ADSS2: variants seen among roughly 807,000 people sequenced by gnomAD.
The protein encoded by ADSS2 is adenylosuccinate synthase 2.
A neutral mutation model predicts 60.0 loss-of-function variants in ADSS2; 30 were observed. That is an observed-to-expected ratio of 0.50 (90% CI 0.37 to 0.68). The LOEUF is 0.68. Ranked by LOEUF, ADSS2 falls within the 30% of genes least tolerant of loss-of-function variation. ADSS2 has a pLI of 0.00. For synonymous variants in ADSS2, 187 were observed against 193.1 expected (o/e 0.97, Z 0.26); for missense variants, 373 against 554.8 (o/e 0.67, Z 3.29).
At chr1:244,446,421 G>GA (rs1263385104) in intron 1 of ADSS2, among the ~76,000 whole-genome samples, 1 of 151,966 alleles carries the variant, frequency 6.6e-6, no homozygotes, top group African/African-American at 2.4e-5. Context: ...GACAGCAAGA[G>GA]AAAAAAATAC....
intron 11 of ADSS2, among the ~76,000 whole-genome samples, chr1:244,413,391 T>C (rs900044998): frequency 1.3e-5 from 2 of 152,164 alleles, no homozygotes; most frequent in African/African-American, 4.8e-5. Context: ...GCTCTCAAAA[T>C]GACAACTCTT....
chr1:244,439,083 C>G (rs774853641), intron 1 of ADSS2, among the ~76,000 whole-genome samples: 5 of 152,278 alleles, frequency 3.3e-5, no homozygotes, highest in Non-Finnish European at 7.4e-5. Context: ...TCCTTCTACT[C>G]TCTATCTCCA....
intron 4 of ADSS2, among the ~76,000 whole-genome samples, chr1:244,429,837 A>G (rs1572138299): frequency 6.6e-6 from 1 of 152,292 alleles, no homozygotes; most frequent in East Asian, 1.9e-4. Flanking sequence ...AACCAAGATC[A>G]TGCCATTGCA....
Position 244,451,548 on chromosome 1 carries a change from G to T in ADSS2, c.183+87C>A. ...CACCTCATTTTGGCCAGTGGATCCG[G>T]GTTCTGGGTCCGAGTTCCCGGGCAC... On this transcript the variant is annotated intron_variant, in intron 1 of 12. Transcript: ENST00000366535. The surrounding 1 kb of genome is among the most constrained non-coding windows in gnomAD (Gnocchi z 6.6). 1 of 1,418,442 alleles carries T rather than the reference G, an allele frequency of 7.0e-7. No individual in the cohort carries two copies. Among genetic ancestry groups the T allele is most frequent in the Non-Finnish European group, 9.4e-7 (1 of 1,060,616 alleles). 87.9% of individuals were successfully genotyped at this position (1,418,442 alleles called of 1,614,324 possible).
At chr1:244,426,890 T>C (rs1041418921) in intron 4 of ADSS2, among the ~76,000 whole-genome samples, 3 of 152,288 alleles carry the variant, frequency 2.0e-5, no homozygotes, top group Admixed American at 2.0e-4. Context: ...CATATTTCTA[T>C]TGATATGATT....
Position 244,436,975 on chromosome 1 carries a change from G to A in ADSS2, c.287-82C>T, listed in dbSNP as rs546445987. 202 of 1,149,582 alleles carry A rather than the reference G, an allele frequency of 1.8e-4. 1 individual carries two copies. The East Asian group carries it at 4.6e-3, about 26-fold the overall frequency. 71.2% of individuals were successfully genotyped at this position (1,149,582 alleles called of 1,614,324 possible). On this transcript the variant is annotated intron_variant, in intron 2 of 12. Coordinates refer to ENST00000366535, the MANE Select transcript of ADSS2 (RefSeq NM_001126.5). ...CTTAAAGGACATTCTGATTTACCAC[G>A]GTGTTACCACAGAAATGATTCCAAG...
At position 244,435,558 on chromosome 1, in the gene ADSS2, C is replaced by T. The variant is rs555646335; in HGVS notation, c.355+1267G>A. Among the ~76,000 whole-genome samples, 30 of 151,894 alleles carry T rather than the reference C, an allele frequency of 2.0e-4. No individual in the cohort carries two copies. The South Asian group carries it at 5.8e-3, about 30-fold the overall frequency. On this transcript the variant is annotated intron_variant, in intron 3 of 12. Transcript: ENST00000366535. Reference sequence around the variant, plus strand: ...CCTCCTTCATCCTCCTCCTCTACCTCTGTCCTTCTCTTCTTCCTCCTTCAT... The same window carrying T: ...CCTCCTTCATCCTCCTCCTCTACCTTTGTCCTTCTCTTCTTCCTCCTTCAT...
chr1:244,437,353 T>G (rs1489203910), intron 2 of ADSS2, among the ~76,000 whole-genome samples: 2 of 152,136 alleles, frequency 1.3e-5, no homozygotes, highest in Non-Finnish European at 2.9e-5. Context: ...TGAGTCATGG[T>G]TGAAAGTATT....
intron 4 of ADSS2, 60 bp downstream of exon 4, chr1:244,432,485 T>C (rs1372725838): frequency 3.2e-6 from 4 of 1,258,450 alleles, no homozygotes; most frequent in Admixed American, 2.3e-5. Flanking sequence ...CTAAATACTT[T>C]CATTTGATAA....
At chr1:244,437,291 A>G (rs960914204) in intron 2 of ADSS2, among the ~76,000 whole-genome samples, 3 of 152,166 alleles carry the variant, frequency 2.0e-5, no homozygotes, top group African/African-American at 7.2e-5. Context: ...AGATTGCATC[A>G]TTTATTGTAA....
rs1256897396 is a variant in ADSS2 at position 244,451,617 on chromosome 1, G to C, written c.183+18C>G. 4.4e-6 allele frequency: 7 copies of C among 1,598,670 alleles called. No homozygotes were observed. The highest frequency in any genetic ancestry group is 1.7e-5 in the Admixed American group (1 of 58,872). On this transcript the variant is annotated intron_variant, in intron 1 of 12. Coordinates refer to ENST00000366535, the MANE Select transcript of ADSS2 (RefSeq NM_001126.5). This position sits in a 1 kb window ranked among gnomAD's most constrained non-coding sequence, Gnocchi z 6.6. The stretch of plus-strand genomic sequence containing the variant: ...AGCTCCCGGGCCCGGCTTCCCATGA[G>C]AGGCCCCGTCGCCTCACCTGGCAGC...
At chr1:244,435,099 C>T (rs1036297482) in intron 3 of ADSS2, among the ~76,000 whole-genome samples, 1 of 133,278 alleles carries the variant, frequency 7.5e-6, no homozygotes, top group Admixed American at 9.4e-5. Context: ...ACCCACGAAG[C>T]AGAAGGTGCA....
rs1664335053 is a variant in ADSS2, at chr1:244,408,514, T to C, written c.*1072A>G. On this transcript the variant is annotated 3_prime_UTR_variant, in exon 13 of 13. Transcript: ENST00000366535. ...AAGCATACTAGAAATATTTGGTTCTTTTAATCAGCTATTCATGGTGTAATA... is the reference window on the plus strand; with the variant it reads ...AAGCATACTAGAAATATTTGGTTCTCTTAATCAGCTATTCATGGTGTAATA... 1 of 152,654 alleles carries C rather than the reference T, an allele frequency of 6.6e-6. No individual in the cohort carries two copies. The highest frequency in any genetic ancestry group is 1.5e-5 in the Non-Finnish European group (1 of 68,034). 9.5% of individuals were successfully genotyped at this position (152,654 alleles called of 1,614,324 possible).
chr1:244,438,078 T>C (rs1400732147), intron 1 of ADSS2, among the ~76,000 whole-genome samples: 1 of 152,158 alleles, frequency 6.6e-6, no homozygotes, highest in Admixed American at 6.5e-5. Context: ...GCAATTAGTC[T>C]GTCTTTGGCT....
At chr1:244,439,759 C>T (rs528644895) in intron 1 of ADSS2, among the ~76,000 whole-genome samples, 3 of 152,274 alleles carry the variant, frequency 2.0e-5, no homozygotes, top group South Asian at 4.1e-4. Context: ...GACTATCTTC[C>T]AAATTTATTT....
Position 244,420,425 on chromosome 1 carries a change from G to A in ADSS2, c.664-129C>T, listed in dbSNP as rs1055777527. 7 of 726,678 alleles carry A rather than the reference G, an allele frequency of 9.6e-6. No homozygotes were observed. In the South Asian group the frequency reaches 1.4e-4, roughly 15 times the overall value. 45.0% of individuals were successfully genotyped at this position (726,678 alleles called of 1,614,324 possible). ...CGCAAAGTAGAAAAGGGCTGGTGAC[G>A]GTGCTCACTCTATTGTAACATTTGG... On this transcript the variant is annotated intron_variant, in intron 7 of 12. Coordinates refer to ENST00000366535, the MANE Select transcript of ADSS2 (RefSeq NM_001126.5).
At chr1:244,440,230 C>T (rs898069312) in intron 1 of ADSS2, among the ~76,000 whole-genome samples, 2 of 152,094 alleles carry the variant, frequency 1.3e-5, no homozygotes, top group Non-Finnish European at 2.9e-5. Context: ...CCATCTTGCC[C>T]CATTCTGCCC....
At position 244,417,657 on chromosome 1, in the gene ADSS2, T is replaced by C; in HGVS notation, c.1041A>G (p.Lys347=). ...RCGWLDLVLL[K]YAHMINGFTA... ...TAAATCCATTGATCATATGAGCATA[T>C]TTGAGCAAAACGAGGTCCAACCAGC... is the stretch of plus-strand genomic sequence containing the variant. The change falls in exon 10 of 13, where the codon AAA becomes AAG. Residue 347 remains lysine, a synonymous_variant. Coordinates refer to ENST00000366535, the MANE Select transcript of ADSS2 (RefSeq NM_001126.5). 2 of 1,612,546 alleles carry C rather than the reference T, an allele frequency of 1.2e-6. No individual in the cohort carries two copies. The highest frequency in any genetic ancestry group is 1.7e-6 in the Non-Finnish European group (2 of 1,179,926).
At chr1:244,425,826 A>C (rs1324158285) in intron 4 of ADSS2, among the ~76,000 whole-genome samples, 1 of 152,176 alleles carries the variant, frequency 6.6e-6, no homozygotes, top group African/African-American at 2.4e-5. Flanking sequence ...AGTGCCACAC[A>C]GTTAGATAAA....
Sources: allele counts gnomAD v4.1 joint callset (sites outside exome capture counted in the v4.1 genomes callset), GRCh38; gene constraint gnomAD v4.1.1; non-coding constraint Gnocchi (gnomAD v3.1); transcripts MANE v1.5; gene names NCBI Gene and HGNC (gene_info 2026-07-23, HGNC 2026-07-21).